LDB2: variants seen among roughly 807,000 people sequenced by gnomAD.
The protein encoded by LDB2 is LIM domain binding 2.
A neutral mutation model predicts 44.3 loss-of-function variants in LDB2; 12 were observed. The ratio of observed to expected loss-of-function variants is 0.27; its 90% CI spans 0.17 to 0.44. The LOEUF is 0.44. Among genes scored for constraint, LDB2 ranks in the 20% least tolerant of loss-of-function variants. LDB2 has a pLI of 1.00. For missense variants in LDB2, 344 were observed against 473.5 expected, an observed-to-expected ratio of 0.73 and a Z score of 2.54; for synonymous variants, 164 against 174.8, an observed-to-expected ratio of 0.94 and a Z score of 0.49.
At chr4:16,666,898 C>A (rs539746310) in intron 2 of LDB2, among the ~76,000 whole-genome samples, 1 of 152,064 alleles carries the variant, frequency 6.6e-6, no homozygotes, top group Non-Finnish European at 1.5e-5. Flanking sequence ...AGAAAAAGAC[C>A]TTATTCCCTC....
chr4:16,687,157 GA>G lies in LDB2; in HGVS notation c.235+72000del, dbSNP rs377313276. On this transcript the variant is annotated intron_variant, in intron 2 of 7. Transcript: ENST00000304523. ...CTTCAGTTCATTAATGTAATGCCATGAGTTTCTTGTTATGAATTGTTATGGT... is the reference window on the plus strand; with the variant it reads ...CTTCAGTTCATTAATGTAATGCCATGGTTTCTTGTTATGAATTGTTATGGT... Among the ~76,000 whole-genome samples, 143 of 151,474 alleles carry G rather than the reference GA, an allele frequency of 9.4e-4. 2 individuals carry two copies. The East Asian group carries it at 0.025, about 26-fold the overall frequency.
intron 2 of LDB2, among the ~76,000 whole-genome samples, chr4:16,665,350 C>T (rs1460114718): frequency 1.2e-4 from 18 of 147,550 alleles, no homozygotes; most frequent in South Asian, 2.1e-4. Context: ...ATGGCAACCT[C>T]CGCCTCTCAG....
intron 1 of LDB2, among the ~76,000 whole-genome samples, chr4:16,850,436 T>C (rs779038240): frequency 6.6e-6 from 1 of 152,184 alleles, no homozygotes; most frequent in Non-Finnish European, 1.5e-5. Flanking sequence ...AATTTATGCA[T>C]GGAAAAGCTC....
At chr4:16,505,966 G>A (rs1719245021) in intron 7 of LDB2, 2 of 1,551,650 alleles carry the variant, frequency 1.3e-6, no homozygotes, top group East Asian at 2.4e-5. Flanking sequence ...GCTGCAGTTC[G>A]GGATCGCTCC....
intron 1 of LDB2, among the ~76,000 whole-genome samples, chr4:16,890,773 G>C (rs1004652977): frequency 6.6e-6 from 1 of 152,148 alleles, no homozygotes; most frequent in African/African-American, 2.4e-5. Flanking sequence ...CAAATGAGGA[G>C]ATCTATCTTA....
At chr4:16,776,074 A>T (rs1771827720) in intron 1 of LDB2, among the ~76,000 whole-genome samples, 1 of 152,210 alleles carries the variant, frequency 6.6e-6, no homozygotes, top group Admixed American at 6.5e-5. Context: ...AGATCAGCAG[A>T]ACTTTTCGCT....
chr4:16,835,135 A>G (rs6828220), intron 1 of LDB2, among the ~76,000 whole-genome samples: 54,037 of 152,098 alleles, frequency 0.36, 10,629 homozygotes, highest in East Asian at 0.61. Flanking sequence ...CCTTAATTTC[A>G]TAAATCAAGG....
intron 1 of LDB2, among the ~76,000 whole-genome samples, chr4:16,881,584 G>T (rs975224850): frequency 6.9e-6 from 1 of 145,586 alleles, no homozygotes; most frequent in Non-Finnish European, 1.5e-5. Context: ...ACTGTCATTC[G>T]GGGAGGGGAA....
intron 5 of LDB2, among the ~76,000 whole-genome samples, chr4:16,559,676 G>A (rs1741295598): frequency 6.6e-6 from 1 of 151,924 alleles, no homozygotes; most frequent in Non-Finnish European, 1.5e-5. Context: ...AAGTCAACAA[G>A]GATACCCAGG....
At chr4:16,842,417 T>A (rs746667604) in intron 1 of LDB2, among the ~76,000 whole-genome samples, 14 of 152,064 alleles carry the variant, frequency 9.2e-5, no homozygotes, top group Non-Finnish European at 1.9e-4. Context: ...TTCAGTACAT[T>A]TTCTGTAAAT....
intron 5 of LDB2, among the ~76,000 whole-genome samples, chr4:16,562,638 C>G (rs1218304669): frequency 1.3e-5 from 2 of 152,176 alleles, no homozygotes; most frequent in Admixed American, 1.3e-4. Flanking sequence ...CTAGTTCAAC[C>G]ATTGTGGAAG....
intron 5 of LDB2, among the ~76,000 whole-genome samples, chr4:16,546,053 T>A (rs1229923421): frequency 6.6e-6 from 1 of 152,234 alleles, no homozygotes; most frequent in Non-Finnish European, 1.5e-5. Flanking sequence ...AACCCATTTG[T>A]CTCATTTTTC....
At chr4:16,854,629 T>C (rs1393321574) in intron 1 of LDB2, among the ~76,000 whole-genome samples, 1 of 150,988 alleles carries the variant, frequency 6.6e-6, no homozygotes, top group Non-Finnish European at 1.5e-5. Context: ...GGGGAGGAAC[T>C]ATGGAGAAGA....
chr4:16,795,142 G>C (rs1294484882), intron 1 of LDB2, among the ~76,000 whole-genome samples: 3 of 152,174 alleles, frequency 2.0e-5, no homozygotes, highest in Non-Finnish European at 4.4e-5. Context: ...CTTTACCCAA[G>C]ACTGGCAGAA....
intron 2 of LDB2, among the ~76,000 whole-genome samples, chr4:16,622,835 A>G (rs1729262107): frequency 6.6e-6 from 1 of 152,208 alleles, no homozygotes; most frequent in Admixed American, 6.5e-5. Context: ...AATTTTAGAT[A>G]CTTTGTCTTC....
Position 16,749,883 on chromosome 4 carries a change from G to A in LDB2, c.235+9275C>T, listed in dbSNP as rs561798976. 3.3e-5 allele frequency among the ~76,000 whole-genome samples: 5 copies of A among 152,242 alleles called. No homozygotes were observed. In the South Asian group the frequency reaches 1.0e-3, roughly 32 times the overall value. ...AGAGCGTTTTCTCTCATGAGTTTAA[G>A]AACTAAGGCTTTTAGAAGGTTAGAA... On this transcript the variant is annotated intron_variant, in intron 2 of 7. Coordinates refer to ENST00000304523, the MANE Select transcript of LDB2 (RefSeq NM_001290.5).
chr4:16,772,387 A>C (rs976478134), intron 1 of LDB2, among the ~76,000 whole-genome samples: 8 of 152,186 alleles, frequency 5.3e-5, no homozygotes, highest in African/African-American at 1.7e-4. Flanking sequence ...TGAATACAAA[A>C]AATGTGTTAG....
chr4:16,782,374 G>A (rs1579616148), intron 1 of LDB2, among the ~76,000 whole-genome samples: 2 of 148,944 alleles, frequency 1.3e-5, no homozygotes, highest in African/African-American at 2.5e-5. Flanking sequence ...TTTTTGAGAC[G>A]GAGTCTTGCT....
At chr4:16,814,100 G>C (rs941654910) in intron 1 of LDB2, among the ~76,000 whole-genome samples, 16 of 152,108 alleles carry the variant, frequency 1.1e-4, no homozygotes, top group African/African-American at 3.1e-4. Flanking sequence ...TCGATCTCCT[G>C]ACCTCGTGAT....
Sources: allele counts gnomAD v4.1 joint callset (sites outside exome capture counted in the v4.1 genomes callset), GRCh38; gene constraint gnomAD v4.1.1; transcripts MANE v1.5; gene names NCBI Gene and HGNC (gene_info 2026-07-23, HGNC 2026-07-21).